Variants in IL18 observed in about 807,000 individuals in gnomAD.
The protein encoded by IL18 is interleukin-18.
In IL18, 8 loss-of-function variants were observed where a neutral mutation model predicts 14.2. That is an observed-to-expected ratio of 0.56 (90% CI 0.33 to 1.01). The LOEUF (loss-of-function observed/expected upper bound fraction) is 1.01. IL18 is among the 50% of genes least tolerant of loss of function. IL18 has a pLI of 0.03. For missense variants in IL18, 166 were observed against 231.1 expected (o/e 0.72, Z 1.83); for synonymous variants, 67 against 71.0 (o/e 0.94, Z 0.28).
intron 1 of IL18, among the ~76,000 whole-genome samples, chr11:112,159,690 G>A (rs1345515492): frequency 6.6e-6 from 1 of 152,210 alleles, no homozygotes; most frequent in Non-Finnish European, 1.5e-5. Flanking sequence ...AGGGTTTCAG[G>A]AGGGGCTGCT....
At chr11:112,158,045 G>C (rs997654680) in intron 1 of IL18, among the ~76,000 whole-genome samples, 1 of 152,076 alleles carries the variant, frequency 6.6e-6, no homozygotes, top group African/African-American at 2.4e-5. Flanking sequence ...TAGTAGAGAC[G>C]GGTTTCTCCA....
At chr11:112,146,315 C>T (rs917188637) in intron 5 of IL18, among the ~76,000 whole-genome samples, 1 of 151,908 alleles carries the variant, frequency 6.6e-6, no homozygotes, top group African/African-American at 2.4e-5. Context: ...ATAAGGGTAG[C>T]CTGTTGTATC....
chr11:112,157,680 A>G (rs2135321808), intron 1 of IL18, among the ~76,000 whole-genome samples: 1 of 152,332 alleles, frequency 6.6e-6, no homozygotes, highest in East Asian at 1.9e-4. Context: ...TTTCAAGGCC[A>G]GAGGAAGAGC....
intron 4 of IL18, among the ~76,000 whole-genome samples, chr11:112,149,558 GTTTTTTTT>G (rs561459069): frequency 3.0e-5 from 3 of 99,374 alleles, no homozygotes; most frequent in South Asian, 3.8e-4. Flanking sequence ...CTTTTCTTAA[GTTTTTTTT>G]TTTTTTTTTT....
chr11:112,158,848 T>C (rs1866580069), intron 1 of IL18, among the ~76,000 whole-genome samples: 1 of 152,208 alleles, frequency 6.6e-6, no homozygotes, highest in South Asian at 2.1e-4. Context: ...ATAATTTTTA[T>C]ACCGTTGCCT....
rs1261098651 is a variant in IL18 at position 112,155,023 on chromosome 11, T to C, written c.31A>G (p.Ile11Val). MAAEPVEDNCINFVAMKFIDN... is the reference protein window; with the variant it reads MAAEPVEDNCVNFVAMKFIDN... ...ATAAATTTCATTGCCACAAAGTTGA[T>C]GCAATTGTCTTCTACTGGTTCAGCA... is the stretch of plus-strand genomic sequence containing the variant. Residue 11 changes from isoleucine to valine, a missense_variant, in exon 2 of 6, where the codon ATC becomes GTC. Coordinates refer to ENST00000280357, the MANE Select transcript of IL18 (RefSeq NM_001562.4). The C allele has an allele frequency of 6.2e-7, 1 of 1,613,052 alleles. No individual in the cohort carries two copies. Among genetic ancestry groups the C allele is most frequent in the East Asian group, 2.2e-5 (1 of 44,854 alleles).
Position 112,150,193 on chromosome 11 carries a change from T to G in IL18, c.105A>C (p.Ser35=), listed in dbSNP as rs549908. The G allele has an allele frequency of 0.29, 447,509 of 1,552,018 alleles. 66,212 individuals are homozygous for G. Among genetic ancestry groups the G allele is most frequent in the Admixed American group, 0.33 (18,820 of 57,282 alleles). The part of the protein sequence containing the change: ...FIAEDDENLE[S]DYFGKLESKL... ...TAGATTCAAGCTTGCCAAAGTAATC[T>G]GATTCCAGGTTTTCTACAATAAACA... The change falls in exon 4 of 6, where the codon TCA becomes TCC. Residue 35 remains serine (S), a synonymous_variant. Coordinates refer to ENST00000280357, the MANE Select transcript of IL18 (RefSeq NM_001562.4).
intron 5 of IL18, among the ~76,000 whole-genome samples, chr11:112,147,295 T>C (rs906732607): frequency 6.6e-6 from 1 of 152,210 alleles, no homozygotes; most frequent in African/African-American, 2.4e-5. Flanking sequence ...AATATGGATT[T>C]GCCCAGTTCC....
intron 1 of IL18, among the ~76,000 whole-genome samples, chr11:112,158,757 A>C (rs1254404962): frequency 6.6e-6 from 1 of 152,032 alleles, no homozygotes; most frequent in Non-Finnish European, 1.5e-5. Flanking sequence ...AACTCATTTG[A>C]CCTGACAGCT....
At chr11:112,158,651 T>C (rs1217371211) in intron 1 of IL18, among the ~76,000 whole-genome samples, 3 of 150,126 alleles carry the variant, frequency 2.0e-5, no homozygotes, top group East Asian at 3.9e-4. Flanking sequence ...ACTTCTGAGT[T>C]ATTTAAAGTC....
chr11:112,145,465 T>A (rs940304717), intron 5 of IL18, among the ~76,000 whole-genome samples: 19 of 151,964 alleles, frequency 1.3e-4, no homozygotes, highest in African/African-American at 4.4e-4. Context: ...TTGAGCCGGG[T>A]GCGATGGCTC....
intron 1 of IL18, 41 bp from the exon 2 acceptor site, chr11:112,155,102 G>C: frequency 1.5e-6 from 2 of 1,297,558 alleles, no homozygotes; most frequent in Non-Finnish European, 2.2e-6. Context: ...GACAATGATT[G>C]TACCTTTTAC....
At chr11:112,150,345 T>C in intron 3 of IL18, 139 bp from the exon 4 acceptor site, 1 of 618,588 alleles carries the variant, frequency 1.6e-6, no homozygotes, top group Non-Finnish European at 2.8e-6. Flanking sequence ...AAGTTGCCTA[T>C]TGTTTTTTAA....
At position 112,150,210 on chromosome 11, in the gene IL18, C is replaced by T. The variant is rs765433407; in HGVS notation, c.92-4G>A. ...AAGTAATCTGATTCCAGGTTTTCTA[C>T]AATAAACATTAAATCTCATTTAAAA... On this transcript the variant is annotated splice_polypyrimidine_tract_variant and splice_region_variant and intron_variant, in intron 3 of 5. Coordinates refer to ENST00000280357, the MANE Select transcript of IL18 (RefSeq NM_001562.4). The T allele has an allele frequency of 1.1e-5, 16 of 1,513,732 alleles. No individual in the cohort carries two copies. The highest frequency in any genetic ancestry group is 2.3e-5 in the South Asian group (2 of 87,136). The allele number at this position is 1,513,732 out of a possible 1,614,324, so 93.8% of individuals were successfully genotyped here.
chr11:112,150,344 A>G (rs1225477033), intron 3 of IL18, 138 bp from the exon 4 acceptor site: 1 of 616,456 alleles, frequency 1.6e-6, no homozygotes, highest in African/African-American at 1.9e-5. Flanking sequence ...AAAGTTGCCT[A>G]TTGTTTTTTA....
intron 2 of IL18, among the ~76,000 whole-genome samples, chr11:112,154,299 A>G (rs1866495719): frequency 1.3e-5 from 2 of 152,094 alleles, no homozygotes; most frequent in Admixed American, 1.3e-4. Context: ...CCGAGGCAGG[A>G]GGATCATCTG....
At chr11:112,152,470 T>C (rs1450771981) in intron 3 of IL18, among the ~76,000 whole-genome samples, 1 of 152,246 alleles carries the variant, frequency 6.6e-6, no homozygotes, top group East Asian at 1.9e-4. Context: ...GAATGATATT[T>C]TAAAAATATA....
At chr11:112,155,559 G>A (rs187417995) in intron 1 of IL18, among the ~76,000 whole-genome samples, 142 of 152,252 alleles carry the variant, frequency 9.3e-4, no homozygotes, top group African/African-American at 3.1e-3. Flanking sequence ...GGTACAGGCA[G>A]GGTGGGAGAA....
chr11:112,155,674 A>T (rs1175796795), intron 1 of IL18, among the ~76,000 whole-genome samples: 1 of 152,188 alleles, frequency 6.6e-6, no homozygotes, highest in Admixed American at 6.5e-5. Flanking sequence ...GTAATACATA[A>T]ATACAATCTT....
Sources: allele counts gnomAD v4.1 joint callset (sites outside exome capture counted in the v4.1 genomes callset), GRCh38; gene constraint gnomAD v4.1.1; transcripts MANE v1.5; gene names NCBI Gene and HGNC (gene_info 2026-07-23, HGNC 2026-07-21).